LAMA4: variants seen among roughly 807,000 people sequenced by gnomAD.
The protein encoded by LAMA4 is laminin subunit alpha-4.
A neutral mutation model predicts 207.1 loss-of-function variants in LAMA4; 127 were observed. The ratio of observed to expected loss-of-function variants is 0.61; its 90% CI spans 0.53 to 0.71. The LOEUF is 0.71. Among genes scored for constraint, LAMA4 ranks in the 30% least tolerant of loss-of-function variants. LAMA4 has a pLI of 0.00. For missense variants in LAMA4, 2,093 were observed against 2,246.5 expected, an observed-to-expected ratio of 0.93 and a Z score of 1.38; for synonymous variants, 761 against 816.0, an observed-to-expected ratio of 0.93 and a Z score of 1.15.
chr6:112,254,491 G>A lies in LAMA4; in HGVS notation c.-174C>T. 2.6e-6 allele frequency: 1 copy of A among 389,862 alleles called. No homozygotes were observed. Among genetic ancestry groups the A allele is most frequent in the South Asian group, 2.3e-5 (1 of 44,342 alleles). The allele number at this position is 389,862 out of a possible 1,614,324, so 24.2% of individuals were successfully genotyped here. A position where few individuals can be genotyped will look rare whatever the true frequency, so the allele number is the denominator to read the frequency against. On this transcript the variant is annotated 5_prime_UTR_variant, in exon 1 of 39. Transcript: ENST00000230538. ...CATCAAAAGGCAGACGGATTGGGGT[G>A]AGCCCCGCCAGCGCTAGGCCACCTC...
intron 9 of LAMA4, among the ~76,000 whole-genome samples, chr6:112,181,573 C>G (rs2114912513): frequency 6.6e-6 from 1 of 152,282 alleles, no homozygotes; most frequent in South Asian, 2.1e-4. Flanking sequence ...TAAACTCCTA[C>G]TCATTCTCAA....
At chr6:112,171,702 C>G (rs1554341804) in intron 12 of LAMA4, 1 of 152,246 alleles carries the variant, frequency 6.6e-6, no homozygotes, top group Admixed American at 6.6e-5. Flanking sequence ...AAAGTTATCC[C>G]AACCATATTA....
intron 2 of LAMA4, among the ~76,000 whole-genome samples, chr6:112,245,176 A>C (rs1387734798): frequency 2.0e-5 from 3 of 152,212 alleles, no homozygotes; most frequent in Admixed American, 2.0e-4. Flanking sequence ...ATCACTGTTC[A>C]TCAAAGGGAA....
At chr6:112,126,275 A>G (rs1360746928) in intron 31 of LAMA4, among the ~76,000 whole-genome samples, 2 of 152,178 alleles carry the variant, frequency 1.3e-5, no homozygotes, top group Non-Finnish European at 2.9e-5. Flanking sequence ...TGTAATGTTA[A>G]TCTGCTGCCT....
At chr6:112,135,082 C>T (rs547016053) in intron 25 of LAMA4, among the ~76,000 whole-genome samples, 28 of 151,638 alleles carry the variant, frequency 1.8e-4, no homozygotes, top group Non-Finnish European at 3.2e-4. Flanking sequence ...TCACACATTT[C>T]CCAGCATTTC....
intron 21 of LAMA4, 95 bp downstream of exon 21, chr6:112,141,263 T>C: frequency 8.8e-7 from 1 of 1,134,500 alleles, no homozygotes; most frequent in Non-Finnish European, 1.3e-6. Flanking sequence ...ACAGGAAGAC[T>C]GTGTATGTGT....
intron 2 of LAMA4, chr6:112,219,556 A>G (rs1339343100): frequency 6.6e-6 from 1 of 152,192 alleles, no homozygotes; most frequent in Non-Finnish European, 1.5e-5. Flanking sequence ...CTTTTTAAAA[A>G]TTGATAGTAA....
In LAMA4 at chr6:112,185,255, T is replaced by C; in HGVS notation, c.1059A>G (p.Val353=). 6.2e-7 allele frequency: 1 copy of C among 1,606,046 alleles called. No homozygotes were observed. Among genetic ancestry groups the C allele is most frequent in the African/African-American group, 1.3e-5 (1 of 74,874 alleles). Residue 353 remains valine (V), a synonymous_variant, in exon 9 of 39, where the codon GTA becomes GTG. Coordinates refer to ENST00000230538, the MANE Select transcript of LAMA4 (RefSeq NM_001105206.3). ...ENTMKSLLSD[V]EELVEKENQA... The stretch of plus-strand genomic sequence containing the variant: ...TACGTACCTTTTCAACTAATTCCTC[T>C]ACGTCAGACAGAAGGCTTTTCATCG...
chr6:112,163,149 A>G (rs763246), intron 13 of LAMA4, among the ~76,000 whole-genome samples: 2 of 149,314 alleles, frequency 1.3e-5, no homozygotes, highest in African/African-American at 5.0e-5. Context: ...TTAAAAAAAA[A>G]TTTTCTTTTT....
In LAMA4 at chr6:112,133,415, CT is replaced by C; in HGVS notation, c.3629del (p.Lys1210ArgfsTer86). ...CTGTCTGCTCCAGTAAATTGAAGTCCTTCTTTTGGAACTGGAAGCCCTTCAT... is the reference window on the plus strand; with the variant it reads ...CTGTCTGCTCCAGTAAATTGAAGTCCTCTTTTGGAACTGGAAGCCCTTCAT... ...GCMKGFQFQKKDFNLLEQTET... is the reference protein window; with the variant it reads ...GCMKGFQFQKXDFNLLEQTET... On this transcript the variant is annotated frameshift_variant, in exon 27 of 39. Transcript: ENST00000230538. LOFTEE classifies it high-confidence loss of function. 1 of 1,613,838 alleles carries C rather than the reference CT, an allele frequency of 6.2e-7. No homozygotes were observed. Among genetic ancestry groups the C allele is most frequent in the African/African-American group, 1.3e-5 (1 of 74,988 alleles).
chr6:112,241,603 A>T (rs1554187770), intron 2 of LAMA4, among the ~76,000 whole-genome samples: 1 of 152,112 alleles, frequency 6.6e-6, no homozygotes, highest in Non-Finnish European at 1.5e-5. Flanking sequence ...GTTAATATTA[A>T]TGCCTTCCTC....
At chr6:112,139,921 G>A (rs1049757484) in intron 22 of LAMA4, 36 bp from the exon 23 acceptor site, 1 of 1,609,282 alleles carries the variant, frequency 6.2e-7, no homozygotes, top group Non-Finnish European at 8.5e-7. Flanking sequence ...CTTGTCTCAT[G>A]GTCATATTTT....
Position 112,118,719 on chromosome 6 carries a change from G to A in LAMA4, c.4821+437C>T, listed in dbSNP as rs5026372. Reference sequence around the variant, plus strand: ...ATTTACAAATTGTGTGTGTGTGTGTGTATGTGTGTGTGTGTGTGTGTGTGT... The same window carrying A: ...ATTTACAAATTGTGTGTGTGTGTGTATATGTGTGTGTGTGTGTGTGTGTGT... On this transcript the variant is annotated intron_variant, in intron 34 of 38. Coordinates refer to ENST00000230538, the MANE Select transcript of LAMA4 (RefSeq NM_001105206.3). The surrounding 1 kb of genome is among the most constrained non-coding windows in gnomAD (Gnocchi z 4.6). Among the ~76,000 whole-genome samples, 17 of 80,752 alleles carry A rather than the reference G, an allele frequency of 2.1e-4. No homozygotes were observed. Among genetic ancestry groups the A allele is most frequent in the African/African-American group, 4.8e-4 (11 of 22,692 alleles). The allele number at this position is 80,752 out of a possible 152,430, so 53.0% of individuals were successfully genotyped here.
At chr6:112,150,852 C>T (rs1420397035) in intron 16 of LAMA4, among the ~76,000 whole-genome samples, 3 of 152,040 alleles carry the variant, frequency 2.0e-5, no homozygotes, top group Non-Finnish European at 4.4e-5. Context: ...CTTAGGATGC[C>T]ATCATGGTTA....
Position 112,172,687 on chromosome 6 carries a change from A to G in LAMA4, c.1475T>C (p.Leu492Pro). 1 of 1,613,914 alleles carries G rather than the reference A, an allele frequency of 6.2e-7. No individual in the cohort carries two copies. ...NAKLSDLQEA[L>P]DQALNYVRDA... ...CCTGACATAGTTAAGGGCCTGGTCA[A>G]GTGCTTCCTGGAGATCTGACAACTT... The change falls in exon 12 of 39, where the codon CTT (leucine) becomes CCT (proline). Residue 492 changes from leucine to proline, a missense_variant. By Grantham distance (98) the Leu-to-Pro change is moderately conservative. Around this residue, in one of 3 missense-constraint regions of LAMA4, gnomAD observed 1,704 missense variants for 1,788.4 expected, o/e 0.95. Coordinates refer to ENST00000230538, the MANE Select transcript of LAMA4 (RefSeq NM_001105206.3).
intron 13 of LAMA4, among the ~76,000 whole-genome samples, chr6:112,164,842 G>A (rs941237119): frequency 2.6e-5 from 4 of 152,190 alleles, no homozygotes; most frequent in South Asian, 4.1e-4. Flanking sequence ...ATTCAGTGGC[G>A]CAATGCCTGT....
chr6:112,146,163 G>A (rs9372322), intron 18 of LAMA4, among the ~76,000 whole-genome samples: 11,117 of 152,010 alleles, frequency 0.073, 728 homozygotes, highest in East Asian at 0.25. Flanking sequence ...GGTGGTGCAC[G>A]CCTGTAATCC....
chr6:112,232,254 C>A (rs144727627), intron 2 of LAMA4, among the ~76,000 whole-genome samples: 1 of 152,194 alleles, frequency 6.6e-6, no homozygotes, highest in African/African-American at 2.4e-5. Context: ...ATTTGGGGAG[C>A]TTATTTAAAA....
intron 27 of LAMA4, 94 bp downstream of exon 27, chr6:112,133,255 C>T (rs1227126785): frequency 7.3e-7 from 1 of 1,363,936 alleles, no homozygotes; most frequent in Non-Finnish European, 1.0e-6. Context: ...CAAGGTGTAC[C>T]TAGGATCAGA....
Sources: gnomAD v4.1 joint callset for allele counts (sites outside exome capture counted in the v4.1 genomes callset) on GRCh38, gnomAD v4.1.1 for gene constraint, gnomAD v4.1.1 regional missense constraint, Gnocchi (gnomAD v3.1) non-coding constraint, MANE v1.5 for transcripts, NCBI Gene and HGNC (gene_info 2026-07-23, HGNC 2026-07-21) for gene names.